Variants in PRDM16 observed in about 807,000 individuals in gnomAD.
PRDM16 encodes histone-lysine N-methyltransferase PRDM16.
In PRDM16, 23 loss-of-function variants were observed where a neutral mutation model predicts 110.6. That is an observed-to-expected ratio of 0.21 (90% CI 0.15 to 0.29). PRDM16 has a LOEUF of 0.29. PRDM16 is among the 10% of genes least tolerant of loss of function. The probability of loss-of-function intolerance (pLI) is 1.00; values close to 1 mark genes in which losing one functional copy is unlikely to be tolerated. For missense variants in PRDM16, 1,615 were observed against 1,794.3 expected, an observed-to-expected ratio of 0.90 and a Z score of 1.81; for synonymous variants, 799 against 781.8, an observed-to-expected ratio of 1.02 and a Z score of -0.37.
At chr1:3,414,951 C>G (rs1220639379) in intron 10 of PRDM16, among the ~76,000 whole-genome samples, 1 of 152,160 alleles carries the variant, frequency 6.6e-6, no homozygotes, top group African/African-American at 2.4e-5. Flanking sequence ...CCTGAAGGAG[C>G]GAGGGCAGGG....
intron 2 of PRDM16, among the ~76,000 whole-genome samples, chr1:3,193,708 T>C (rs775665409): frequency 6.6e-6 from 1 of 151,976 alleles, no homozygotes; most frequent in Non-Finnish European, 1.5e-5. Flanking sequence ...GCTGAATGCA[T>C]AGGAAAATGT....
chr1:3,252,944 A>T (rs575253718), intron 3 of PRDM16, among the ~76,000 whole-genome samples: 2 of 151,968 alleles, frequency 1.3e-5, no homozygotes, highest in Admixed American at 6.6e-5. Flanking sequence ...GCTCGTGGAG[A>T]TGTGGCATTC....
rs945959862 is a variant in PRDM16 at position 3,201,032 on chromosome 1, A to G, written c.387+14558A>G. On this transcript the variant is annotated intron_variant, in intron 2 of 16. Transcript: ENST00000270722. This position sits in a 1 kb window ranked among gnomAD's most constrained non-coding sequence, Gnocchi z 4.1. ...GAGGACAGCTGAGAGCTGTGAGTCC[A>G]GGGTCAACCCTTAGCCGGAGTGGGG... 2.7e-4 allele frequency among the ~76,000 whole-genome samples: 41 copies of G among 152,106 alleles called. No homozygotes were observed. Among genetic ancestry groups the G allele is most frequent in the African/African-American group, 8.9e-4 (37 of 41,430 alleles).
chr1:3,360,941 G>A (rs1484270104), intron 3 of PRDM16, among the ~76,000 whole-genome samples: 1 of 152,348 alleles, frequency 6.6e-6, no homozygotes, highest in East Asian at 1.9e-4. Flanking sequence ...TCCCGCGGCG[G>A]GAACGAGGCA....
At chr1:3,178,576 G>A (rs1242854850) in intron 1 of PRDM16, among the ~76,000 whole-genome samples, 5 of 152,180 alleles carry the variant, frequency 3.3e-5, no homozygotes, top group African/African-American at 9.7e-5. Flanking sequence ...GGGTCAATAA[G>A]GGTTTCAGTC....
At chr1:3,215,978 A>G (rs1383803755) in intron 2 of PRDM16, among the ~76,000 whole-genome samples, 1 of 152,216 alleles carries the variant, frequency 6.6e-6, no homozygotes, top group Non-Finnish European at 1.5e-5. Context: ...AAAAAAGAGG[A>G]GGCATTTTTC....
intron 3 of PRDM16, among the ~76,000 whole-genome samples, chr1:3,332,065 A>T (rs1570089817): frequency 6.6e-6 from 1 of 152,228 alleles, no homozygotes; most frequent in African/African-American, 2.4e-5. Flanking sequence ...GCTCCGAAGC[A>T]CCCGTGGGTC....
chr1:3,089,090 A>G (rs1642215493), intron 1 of PRDM16, among the ~76,000 whole-genome samples: 1 of 152,178 alleles, frequency 6.6e-6, no homozygotes, highest in Admixed American at 6.5e-5. Flanking sequence ...TCCGAGATGC[A>G]GGGATTCTAA....
intron 1 of PRDM16, among the ~76,000 whole-genome samples, chr1:3,088,616 C>A (rs1323783792): frequency 6.6e-6 from 1 of 151,310 alleles, no homozygotes; most frequent in Non-Finnish European, 1.5e-5. Flanking sequence ...CAAGCACCTG[C>A]CACCACGCCT....
chr1:3,126,177 G>A (rs1643201515), intron 1 of PRDM16, among the ~76,000 whole-genome samples: 1 of 152,164 alleles, frequency 6.6e-6, no homozygotes, highest in Non-Finnish European at 1.5e-5. Flanking sequence ...GGCGCCGCTG[G>A]CCGCTCTTCC....
chr1:3,397,610 G>A lies in PRDM16; in HGVS notation c.676+1017G>A, dbSNP rs529556341. Among the ~76,000 whole-genome samples, 5 of 152,336 alleles carry A rather than the reference G, an allele frequency of 3.3e-5. No homozygotes were observed. In the South Asian group the frequency reaches 6.2e-4, roughly 19 times the overall value. ...TAACTGCTTTACTTTGGGAGGCCCC[G>A]CAAGTGAACAGGAACGCAAGCTCCC... On this transcript the variant is annotated intron_variant, in intron 5 of 16. Coordinates refer to ENST00000270722, the MANE Select transcript of PRDM16 (RefSeq NM_022114.4).
At chr1:3,303,006 A>G (rs537911613) in intron 3 of PRDM16, among the ~76,000 whole-genome samples, 1 of 152,200 alleles carries the variant, frequency 6.6e-6, no homozygotes, top group Non-Finnish European at 1.5e-5. Flanking sequence ...ATAAAAACCT[A>G]TATAATATAT....
chr1:3,427,809 C>A (rs1638653925), intron 14 of PRDM16, among the ~76,000 whole-genome samples: 1 of 152,182 alleles, frequency 6.6e-6, no homozygotes, highest in Non-Finnish European at 1.5e-5. Flanking sequence ...CCCAGTGCAA[C>A]CCCACCTACT....
chr1:3,181,323 A>ACACACGGTCTTACACAAGCAG (rs1557508712), intron 1 of PRDM16, among the ~76,000 whole-genome samples: 7 of 30,604 alleles, frequency 2.3e-4, no homozygotes, highest in South Asian at 1.3e-3. Flanking sequence ...TACACACGCA[A>ACACACGGTCTTACACAAGCAG]TCTTACACAA....
intron 1 of PRDM16, among the ~76,000 whole-genome samples, chr1:3,177,594 T>A (rs547180677): frequency 6.6e-6 from 1 of 152,280 alleles, no homozygotes; most frequent in African/African-American, 2.4e-5. Flanking sequence ...CGCGGCCCAG[T>A]CAATATCAGC....
intron 1 of PRDM16, among the ~76,000 whole-genome samples, chr1:3,173,663 G>C (rs918063695): frequency 6.6e-6 from 1 of 152,262 alleles, no homozygotes; most frequent in Non-Finnish European, 1.5e-5. Flanking sequence ...CGTGGGCTGC[G>C]CAGAGGCTGG....
At chr1:3,295,761 A>G (rs887678096) in intron 3 of PRDM16, among the ~76,000 whole-genome samples, 14 of 152,270 alleles carry the variant, frequency 9.2e-5, no homozygotes, top group Non-Finnish European at 1.3e-4. Context: ...GAATTCTTCC[A>G]GAATTCTGTA....
intron 14 of PRDM16, among the ~76,000 whole-genome samples, chr1:3,429,561 G>A (rs1638709714): frequency 6.6e-6 from 1 of 152,212 alleles, no homozygotes; most frequent in Non-Finnish European, 1.5e-5. Context: ...GTCATCGAGA[G>A]GGCACAGGCC....
chr1:3,372,766 C>T (rs980153632), intron 3 of PRDM16, among the ~76,000 whole-genome samples: 1 of 152,214 alleles, frequency 6.6e-6, no homozygotes, highest in Non-Finnish European at 1.5e-5. Flanking sequence ...ACTATGGCAG[C>T]CTGCTCTGGG....
Sources: gnomAD v4.1 joint callset for allele counts (sites outside exome capture counted in the v4.1 genomes callset) on GRCh38, gnomAD v4.1.1 for gene constraint, Gnocchi (gnomAD v3.1) non-coding constraint, MANE v1.5 for transcripts, NCBI Gene and HGNC (gene_info 2026-07-23, HGNC 2026-07-21) for gene names.